Variants in IDE observed in about 807,000 individuals in gnomAD.
IDE encodes the protein insulin degrading enzyme.
Under a neutral mutation model 133.2 loss-of-function variants are expected in IDE, and 58 were observed. The observed-to-expected ratio is 0.44, with a 90% CI of 0.35 to 0.54. The LOEUF is 0.54. Ranked by LOEUF, IDE falls within the 20% of genes least tolerant of loss-of-function variation. IDE has a pLI of 0.00. For synonymous variants in IDE, 396 were observed against 421.3 expected (o/e 0.94, Z 0.73); for missense variants, 981 against 1,234.0 (o/e 0.79, Z 3.07).
chr10:92,506,477 G>A lies in IDE; in HGVS notation c.1291C>T (p.Arg431Trp), dbSNP rs1440854218. 17 of 1,595,518 alleles carry A rather than the reference G, an allele frequency of 1.1e-5. No homozygotes were observed. Among genetic ancestry groups the A allele is most frequent in the East Asian group, 2.2e-5 (1 of 44,504 alleles). The change falls in exon 10 of 25, where the codon CGG becomes TGG. Residue 431 changes from arginine to tryptophan, a missense_variant. Around this residue, in one of 2 missense-constraint regions of IDE, gnomAD observed 660 missense variants for 894.7 expected, o/e 0.74. Coordinates refer to ENST00000265986, the MANE Select transcript of IDE (RefSeq NM_004969.4). Reference protein sequence around the residue: ...AFRFKDKERPRGYTSKIAGIL... With the variant: ...AFRFKDKERPWGYTSKIAGIL... ...CCTGCAATCTTAGATGTATAGCCCC[G>A]TGGCCTCTCTTTGTCTTTAAACCTA...
intron 4 of IDE, among the ~76,000 whole-genome samples, chr10:92,524,521 A>C (rs1404485150): frequency 6.4e-5 from 2 of 31,290 alleles, no homozygotes; most frequent in East Asian, 8.4e-4. Flanking sequence ...TATAATATAT[A>C]TTATATTATA....
chr10:92,508,249 G>C (rs1848400023), intron 7 of IDE, 44 bp from the exon 8 acceptor site: 2 of 1,475,154 alleles, frequency 1.4e-6, no homozygotes, highest in African/African-American at 2.8e-5. Context: ...TGCATATGTG[G>C]CTTCCTTGAA....
At chr10:92,474,782 C>T in intron 17 of IDE, 59 bp downstream of exon 17, 9 of 1,516,484 alleles carry the variant, frequency 5.9e-6, no homozygotes, top group Non-Finnish European at 8.1e-6. Flanking sequence ...TCAGAATAAA[C>T]CAAAATGAAT....
At chr10:92,479,447 T>G in intron 14 of IDE, 26 bp from the exon 15 acceptor site, 10 of 1,570,316 alleles carry the variant, frequency 6.4e-6, no homozygotes, top group Non-Finnish European at 8.7e-6. Flanking sequence ...GACAGTAAAA[T>G]AGCTGATTTT....
At chr10:92,466,952 T>C (rs1170492740) in intron 19 of IDE, among the ~76,000 whole-genome samples, 1 of 151,872 alleles carries the variant, frequency 6.6e-6, no homozygotes, top group Non-Finnish European at 1.5e-5. Context: ...TAAAACATCT[T>C]CTCGGTTGCA....
chr10:92,500,251 C>T lies in IDE; in HGVS notation c.1430+4543G>A, dbSNP rs188534328. On this transcript the variant is annotated intron_variant, in intron 11 of 24. Coordinates refer to ENST00000265986, the MANE Select transcript of IDE (RefSeq NM_004969.4). The stretch of plus-strand genomic sequence containing the variant: ...GATGGAGGTTTCAGTGAGCTGAGAT[C>T]GCACCATGGCATTCCAGCCTGGGCA... Among the ~76,000 whole-genome samples, 9 of 151,386 alleles carry T rather than the reference C, an allele frequency of 5.9e-5. No individual in the cohort carries two copies. In the East Asian group the frequency reaches 1.2e-3, roughly 20 times the overall value.
At chr10:92,496,650 G>A (rs1440179840) in intron 11 of IDE, among the ~76,000 whole-genome samples, 1 of 152,152 alleles carries the variant, frequency 6.6e-6, no homozygotes, top group African/African-American at 2.4e-5. Context: ...GCCAGGTGTG[G>A]TAGTGGGCAC....
At chr10:92,478,830 A>G in intron 15 of IDE, 1 of 1,105,870 alleles carries the variant, frequency 9.0e-7, no homozygotes, top group Non-Finnish European at 1.1e-6. Flanking sequence ...TGATACCTCA[A>G]GCAGTGGCAT....
chr10:92,521,755 A>C (rs1279945082), intron 4 of IDE, among the ~76,000 whole-genome samples: 1 of 152,120 alleles, frequency 6.6e-6, no homozygotes, highest in Admixed American at 6.6e-5. Context: ...ACTTATTTGG[A>C]CTCTGATTCA....
chr10:92,522,656 A>C (rs1251855558), intron 4 of IDE, among the ~76,000 whole-genome samples: 1 of 152,300 alleles, frequency 6.6e-6, no homozygotes, highest in Admixed American at 6.5e-5. Context: ...TAAAACATGC[A>C]AAATAGAATA....
chr10:92,454,288 TG>T lies in IDE; in HGVS notation c.*155del. ...ATCTATAAGATTTTGTAATTTACTT[TG>T]GATTTATAATATTTCTACATAATGA... is the stretch of plus-strand genomic sequence containing the variant. On this transcript the variant is annotated 3_prime_UTR_variant, in exon 25 of 25. Transcript: ENST00000265986. 1.8e-6 allele frequency: 1 copy of T among 550,020 alleles called. No homozygotes were observed. The highest frequency in any genetic ancestry group is 2.9e-5 in the South Asian group (1 of 34,646). The allele number at this position is 550,020 out of a possible 1,614,324, so 34.1% of individuals were successfully genotyped here. A position where few individuals can be genotyped will look rare whatever the true frequency, so the allele number is the denominator to read the frequency against.
At chr10:92,476,540 T>C (rs984516341) in intron 15 of IDE, among the ~76,000 whole-genome samples, 5 of 152,024 alleles carry the variant, frequency 3.3e-5, no homozygotes, top group Non-Finnish European at 7.4e-5. Flanking sequence ...GTACCCAGGC[T>C]AGACTCAAAC....
At chr10:92,524,490 TATAATATATTTTATATA>T (rs1849494778) in intron 4 of IDE, among the ~76,000 whole-genome samples, 1 of 7,410 alleles carries the variant, frequency 1.3e-4, no homozygotes, top group Non-Finnish European at 3.9e-4. Flanking sequence ...TATATTATAT[TATAATATATTTTATATA>T]ATATATAATA....
intron 11 of IDE, among the ~76,000 whole-genome samples, chr10:92,502,236 T>A (rs1001543552): frequency 1.3e-5 from 2 of 152,334 alleles, no homozygotes; most frequent in East Asian, 3.9e-4. Context: ...AGAACTAACA[T>A]ATTAATAATA....
chr10:92,518,024 G>C (rs1490528458), intron 4 of IDE, among the ~76,000 whole-genome samples: 1 of 152,066 alleles, frequency 6.6e-6, no homozygotes, highest in Non-Finnish European at 1.5e-5. Flanking sequence ...TCTACCTGAG[G>C]GGTCCAGATG....
intron 1 of IDE, among the ~76,000 whole-genome samples, chr10:92,549,669 T>C (rs1183691793): frequency 1.3e-5 from 2 of 151,994 alleles, no homozygotes; most frequent in African/African-American, 4.8e-5. Flanking sequence ...TCAGTCAGTA[T>C]CTTGTGGCAC....
intron 4 of IDE, among the ~76,000 whole-genome samples, chr10:92,527,786 G>A (rs1427975991): frequency 1.3e-5 from 2 of 152,192 alleles, no homozygotes; most frequent in Non-Finnish European, 2.9e-5. Flanking sequence ...AGAGGCCAAG[G>A]CGGGTGGATC....
intron 1 of IDE, among the ~76,000 whole-genome samples, chr10:92,545,864 AC>A (rs1192379001): frequency 2.6e-5 from 4 of 152,246 alleles, no homozygotes; most frequent in Non-Finnish European, 5.9e-5. Context: ...TGGTATGGGT[AC>A]AACCATTTTC....
intron 19 of IDE, among the ~76,000 whole-genome samples, chr10:92,467,568 G>T (rs959779205): frequency 1.3e-5 from 2 of 152,218 alleles, no homozygotes; most frequent in Middle Eastern, 3.2e-3. Flanking sequence ...AAGAGATTAA[G>T]ATCCTAGGAA....
Sources: allele counts gnomAD v4.1 joint callset (sites outside exome capture counted in the v4.1 genomes callset), GRCh38; gene constraint gnomAD v4.1.1; regional missense constraint gnomAD v4.1.1; transcripts MANE v1.5; gene names NCBI Gene and HGNC (gene_info 2026-07-23, HGNC 2026-07-21).